Variants in LINGO2 observed in about 807,000 individuals in gnomAD.
LINGO2 encodes the protein leucine rich repeat and Ig domain containing 2, also known as leucine-rich repeat and immunoglobulin-like domain-containing nogo receptor-interacting protein 2.
In LINGO2, 14 loss-of-function variants were observed where a neutral mutation model predicts 30.6. The ratio of observed to expected loss-of-function variants is 0.46; its 90% CI spans 0.30 to 0.72. The LOEUF (loss-of-function observed/expected upper bound fraction) is 0.72. LINGO2 is among the 30% of genes least tolerant of loss of function. LINGO2 has a pLI of 0.07. For synonymous variants in LINGO2, 317 were observed against 288.5 expected, an observed-to-expected ratio of 1.10 and a Z score of -1.00; for missense variants, 729 against 751.7, an observed-to-expected ratio of 0.97 and a Z score of 0.35.
At chr9:28,891,220 A>G in the LINGO2 span, among the ~76,000 whole-genome samples, 475 of 152,136 alleles carry the variant, frequency 3.1e-3, 6 homozygotes, top group Middle Eastern at 0.027. Context: ...AGAGACCTGT[A>G]TGTAACTATC....
chr9:28,103,030 C>T (rs1563976135), intron 4 of LINGO2, among the ~76,000 whole-genome samples: 1 of 152,124 alleles, frequency 6.6e-6, no homozygotes, highest in Non-Finnish European at 1.5e-5. Context: ...TGCCTCACTA[C>T]ATTTTCTACT....
At chr9:28,025,752 G>A (rs541879083) in intron 4 of LINGO2, among the ~76,000 whole-genome samples, 3 of 152,298 alleles carry the variant, frequency 2.0e-5, no homozygotes, top group African/African-American at 7.2e-5. Context: ...AGAGACATCA[G>A]GGTAGGCTTC....
At chr9:28,680,033 T>A in the LINGO2 span, among the ~76,000 whole-genome samples, 1 of 152,054 alleles carries the variant, frequency 6.6e-6, no homozygotes, top group Non-Finnish European at 1.5e-5. Context: ...TCTAGGTGAC[T>A]GTGTTATTGA....
chr9:28,172,447 C>T (rs917964310), intron 4 of LINGO2, among the ~76,000 whole-genome samples: 2 of 151,682 alleles, frequency 1.3e-5, no homozygotes, highest in Non-Finnish European at 2.9e-5. Flanking sequence ...CATACATTAT[C>T]TCACTGAATC....
chr9:29,085,764 A>T, the LINGO2 span, among the ~76,000 whole-genome samples: 15 of 152,306 alleles, frequency 9.8e-5, no homozygotes, highest in African/African-American at 3.6e-4. Context: ...TGAGACAAAT[A>T]TAGTATTATA....
intron 1 of LINGO2, among the ~76,000 whole-genome samples, chr9:28,506,916 A>G (rs1035286021): frequency 6.6e-6 from 1 of 152,042 alleles, no homozygotes; most frequent in African/African-American, 2.4e-5. Flanking sequence ...TTGTTTCATT[A>G]AATTTTATTT....
At chr9:28,450,966 T>C (rs1299975616) in intron 2 of LINGO2, among the ~76,000 whole-genome samples, 1 of 151,978 alleles carries the variant, frequency 6.6e-6, no homozygotes, top group Non-Finnish European at 1.5e-5. Flanking sequence ...CCTGAGTCCT[T>C]TCCTTCATTT....
chr9:28,226,687 GAA>G (rs1246973456), intron 4 of LINGO2, among the ~76,000 whole-genome samples: 4 of 82,414 alleles, frequency 4.9e-5, no homozygotes, highest in African/African-American at 1.9e-4. Context: ...AAGAAAGAAA[GAA>G]AGAAAGAAAG....
the LINGO2 span, among the ~76,000 whole-genome samples, chr9:29,001,077 T>C: frequency 8.2e-6 from 1 of 122,328 alleles, no homozygotes; most frequent in Admixed American, 9.0e-5. Flanking sequence ...AAGATTTTGA[T>C]TTTGTATATT....
At chr9:28,158,087 A>G (rs1411743684) in intron 4 of LINGO2, among the ~76,000 whole-genome samples, 5 of 152,138 alleles carry the variant, frequency 3.3e-5, no homozygotes, top group African/African-American at 7.2e-5. Flanking sequence ...TTACTATATT[A>G]GTCCATTTTC....
At chr9:28,124,321 C>G (rs1241183975) in intron 4 of LINGO2, among the ~76,000 whole-genome samples, 3 of 152,330 alleles carry the variant, frequency 2.0e-5, no homozygotes, top group Non-Finnish European at 2.9e-5. Flanking sequence ...TTAGGAACAA[C>G]ATCTAAGATA....
chr9:28,003,281 A>G (rs1822056015), intron 5 of LINGO2, among the ~76,000 whole-genome samples: 1 of 152,038 alleles, frequency 6.6e-6, no homozygotes, highest in African/African-American at 2.4e-5. Context: ...ATTCACAAAA[A>G]ATTGGGTAAT....
At chr9:28,962,037 AAAAC>A in the LINGO2 span, among the ~76,000 whole-genome samples, 3 of 152,182 alleles carry the variant, frequency 2.0e-5, no homozygotes, top group Admixed American at 6.6e-5. Flanking sequence ...ACAGTTCATT[AAAAC>A]AAACAAACAA....
chr9:28,930,601 G>T, the LINGO2 span, among the ~76,000 whole-genome samples: 11 of 152,142 alleles, frequency 7.2e-5, no homozygotes, highest in Admixed American at 6.5e-4. This position sits in a 1 kb window ranked among gnomAD's most constrained non-coding sequence, Gnocchi z 4.2. Context: ...TCCTTTCAAG[G>T]CAGAAGTATC....
chr9:28,457,573 C>T (rs1824900381), intron 2 of LINGO2, among the ~76,000 whole-genome samples: 1 of 151,570 alleles, frequency 6.6e-6, no homozygotes, highest in African/African-American at 2.4e-5. Context: ...TGCCACTATG[C>T]CCAGCTAATA....
At chr9:28,539,100 T>G (rs1821565179) in intron 1 of LINGO2, among the ~76,000 whole-genome samples, 1 of 152,080 alleles carries the variant, frequency 6.6e-6, no homozygotes, top group African/African-American at 2.4e-5. Flanking sequence ...ATAAAAGATA[T>G]TCTTTCAGTA....
chr9:28,149,622 G>A (rs549422975), intron 4 of LINGO2, among the ~76,000 whole-genome samples: 12 of 146,474 alleles, frequency 8.2e-5, no homozygotes, highest in South Asian at 2.2e-4. Context: ...GCCTGTGCCC[G>A]GCTGCCATCC....
At chr9:28,198,746 A>G (rs1458521265) in intron 4 of LINGO2, among the ~76,000 whole-genome samples, 2 of 152,188 alleles carry the variant, frequency 1.3e-5, no homozygotes. Flanking sequence ...AAGAAAAATG[A>G]TGACCCTATC....
intron 4 of LINGO2, among the ~76,000 whole-genome samples, chr9:28,062,323 T>C (rs1487055178): frequency 1.3e-5 from 2 of 151,722 alleles, no homozygotes; most frequent in Admixed American, 1.3e-4. Context: ...GCATTTTCCA[T>C]TTCAGAGTTA....
Sources: allele counts gnomAD v4.1 joint callset (sites outside exome capture counted in the v4.1 genomes callset), GRCh38; gene constraint gnomAD v4.1.1; non-coding constraint Gnocchi (gnomAD v3.1); transcripts MANE v1.5; gene names NCBI Gene and HGNC (gene_info 2026-07-23, HGNC 2026-07-21).